Variants in PRODH2 observed in about 807,000 individuals in gnomAD.
PRODH2 encodes proline dehydrogenase 2.
PRODH2 carries 49 observed loss-of-function variants against 51.9 expected under a neutral mutation model. The observed-to-expected ratio is 0.94, with a 90% CI of 0.75 to 1.20. The LOEUF (loss-of-function observed/expected upper bound fraction) is 1.20, where lower values mean the gene tolerates loss of function less well. PRODH2 is among the 50% of genes most tolerant of loss of function. The pLI, the probability that PRODH2 is intolerant of heterozygous loss-of-function variation, is 0.00. For synonymous variants in PRODH2, 249 were observed against 260.7 expected (o/e 0.96, Z 0.43); for missense variants, 597 against 610.9 (o/e 0.98, Z 0.24).
In PRODH2 at chr19:35,812,634, A is replaced by G. The variant is rs1214922752; in HGVS notation, c.172T>C (p.Leu58=). ...TGGTCCTCAGGATCACTGCTCACCA[A>G]CAGCCCGTGAGTGACGAGTGGGGGC... is the stretch of plus-strand genomic sequence containing the variant. ...AWPPLVTHGL[L]LQAWSRRLLG... is the part of the protein sequence containing the mutation. The change falls in exon 1 of 10, where the codon TTG becomes CTG. Residue 58 remains leucine (L), a splice_region_variant and synonymous_variant. Coordinates refer to ENST00000653904, the MANE Select transcript of PRODH2 (RefSeq NM_021232.2). The G allele has an allele frequency of 6.3e-7, 1 of 1,592,906 alleles. No homozygotes were observed. The highest frequency in any genetic ancestry group is 1.7e-5 in the Admixed American group (1 of 58,662).
At chr19:35,807,528 C>G (rs1211089630) in intron 4 of PRODH2, among the ~76,000 whole-genome samples, 1 of 151,994 alleles carries the variant, frequency 6.6e-6, no homozygotes, top group East Asian at 1.9e-4. Flanking sequence ...GTCTCGAACT[C>G]CTGACCTCAA....
rs35221778 is a variant in PRODH2, at chr19:35,812,429, C to T, written c.302G>A (p.Arg101Gln). Residue 101 changes from arginine (R) to glutamine (Q), a missense_variant, in exon 2 of 10, where the codon CGG becomes CAG. Physicochemically the swap from Arg to Gln is conservative, Grantham distance 43. Coordinates refer to ENST00000653904, the MANE Select transcript of PRODH2 (RefSeq NM_021232.2). ...EEVKGCVQQL[R>Q]TLSLRPLLAV... ...CAGCAGTGGTCGGAGGCTGAGGGTC[C>T]GCAGCTGCTGCACGCAGCCCTTCAC... 333 of 1,614,234 alleles carry T rather than the reference C, an allele frequency of 2.1e-4. No homozygotes were observed. The African/African-American group carries it at 3.7e-3, about 18-fold the overall frequency.
chr19:35,806,823 C>A lies in PRODH2; in HGVS notation c.686G>T (p.Arg229Leu). The A allele has an allele frequency of 3.1e-6, 5 of 1,604,244 alleles. No homozygotes were observed. The highest frequency in any genetic ancestry group is 4.3e-6 in the Non-Finnish European group (5 of 1,175,606). ...SRLHRVAQYA[R>L]AQHVRLLVDA... is the part of the protein sequence containing the mutation. ...CACCAGGAGCCGCACGTGCTGGGCC[C>A]GGGCATACTGATGGCGACAGAGACG... Residue 229 changes from arginine (R) to leucine (L), a missense_variant, in exon 6 of 10, where the codon CGG (arginine) becomes CTG (leucine). Coordinates refer to ENST00000653904, the MANE Select transcript of PRODH2 (RefSeq NM_021232.2).
rs1036511163 is a variant in PRODH2 at position 35,811,249 on chromosome 19, A to T, written c.597+713T>A. On this transcript the variant is annotated intron_variant, in intron 4 of 9. Transcript: ENST00000653904. ...AAAACAAAATCATAGAAACAAAAAG[A>T]TATGCATTATACAAGACGGCAGGCT... Among the ~76,000 whole-genome samples the T allele has an allele frequency of 2.6e-5, 4 of 151,908 alleles. No homozygotes were observed. The Admixed American group carries it at 2.6e-4, about 10-fold the overall frequency.
At chr19:35,811,286 C>T (rs1972604217) in intron 4 of PRODH2, among the ~76,000 whole-genome samples, 1 of 151,578 alleles carries the variant, frequency 6.6e-6, no homozygotes, top group Admixed American at 6.6e-5. Flanking sequence ...GGTGTGGTGG[C>T]TCACACCTAT....
intron 8 of PRODH2, chr19:35,802,545 AG>A (rs1448592074): frequency 3.7e-6 from 2 of 543,724 alleles, no homozygotes; most frequent in Non-Finnish European, 6.6e-6. Context: ...CAGGTATAGC[AG>A]GGGTTAATGT....
Position 35,806,572 on chromosome 19 carries a change from C to G in PRODH2, c.859G>C (p.Asp287His). The change falls in exon 7 of 10, where the codon GAT (aspartate) becomes CAT (histidine). Residue 287 changes from aspartate (D) to histidine (H), a missense_variant. By Grantham distance (81) the Asp-to-His change is moderately conservative (BLOSUM62 -1). Coordinates refer to ENST00000653904, the MANE Select transcript of PRODH2 (RefSeq NM_021232.2). ...LKDTFERLGR[D>H]AEAAHRAGLA... Reference sequence around the variant, plus strand: ...CCGGCCCTGTGCGCAGCCTCTGCATCCCTCCCCAGCCGCTCGAATGTGTCC... The same window carrying G: ...CCGGCCCTGTGCGCAGCCTCTGCATGCCTCCCCAGCCGCTCGAATGTGTCC... 1 of 1,614,116 alleles carries G rather than the reference C, an allele frequency of 6.2e-7. No individual in the cohort carries two copies. The highest frequency in any genetic ancestry group is 1.1e-5 in the South Asian group (1 of 91,090).
intron 7 of PRODH2, among the ~76,000 whole-genome samples, chr19:35,805,740 G>A (rs1383436567): frequency 1.3e-5 from 2 of 152,340 alleles, no homozygotes; most frequent in Non-Finnish European, 1.5e-5. Context: ...GTACACAAAC[G>A]TGCCCTGGAG....
intron 4 of PRODH2, among the ~76,000 whole-genome samples, chr19:35,810,684 A>G (rs1329820986): frequency 1.3e-5 from 2 of 152,032 alleles, no homozygotes; most frequent in Non-Finnish European, 2.9e-5. Flanking sequence ...CCACGTCCAG[A>G]TAATTTTTGT....
chr19:35,811,564 AAGAT>A (rs1972612043), intron 4 of PRODH2, among the ~76,000 whole-genome samples: 1 of 151,902 alleles, frequency 6.6e-6, no homozygotes, highest in African/African-American at 2.4e-5. Context: ...GAAAGAAAAA[AAGAT>A]GGAGTAGGGT....
At chr19:35,811,921 C>T in intron 4 of PRODH2, 41 bp downstream of exon 4, 1 of 1,594,188 alleles carries the variant, frequency 6.3e-7, no homozygotes, top group Non-Finnish European at 8.6e-7. Context: ...CATCTAAGTC[C>T]AAGGCACTCT....
intron 4 of PRODH2, among the ~76,000 whole-genome samples, chr19:35,810,457 C>T (rs183953176): frequency 1.3e-5 from 2 of 150,832 alleles, no homozygotes; most frequent in African/African-American, 2.4e-5. Flanking sequence ...CTATTGGAAA[C>T]AGTGGGGGCC....
intron 4 of PRODH2, among the ~76,000 whole-genome samples, chr19:35,809,325 G>A (rs988914269): frequency 2.0e-5 from 3 of 152,018 alleles, no homozygotes; most frequent in African/African-American, 7.2e-5. Flanking sequence ...TGACCTCCTG[G>A]GCTCAAGCGA....
In PRODH2 at chr19:35,800,223, C is replaced by T. The variant is rs1190723302; in HGVS notation, c.1199-1G>A. The T allele has an allele frequency of 6.4e-7, 1 of 1,553,798 alleles. No individual in the cohort carries two copies. Among genetic ancestry groups the T allele is most frequent in the Non-Finnish European group, 8.7e-7 (1 of 1,148,566 alleles). ...TTATACACTACATAGCCGGCCTGCCCTGCAGGGAGAGTGGGTTTTGTTTTT... is the reference window on the plus strand; with the variant it reads ...TTATACACTACATAGCCGGCCTGCCTTGCAGGGAGAGTGGGTTTTGTTTTT... On this transcript the variant is annotated splice_acceptor_variant, in intron 9 of 9. Coordinates refer to ENST00000653904, the MANE Select transcript of PRODH2 (RefSeq NM_021232.2). LOFTEE classifies it high-confidence loss of function.
chr19:35,805,048 T>C (rs2146781871), intron 7 of PRODH2, among the ~76,000 whole-genome samples: 1 of 150,798 alleles, frequency 6.6e-6, no homozygotes, highest in South Asian at 2.1e-4. Flanking sequence ...AAAAAGTAGG[T>C]TAGTGGTTTC....
intron 7 of PRODH2, among the ~76,000 whole-genome samples, chr19:35,803,307 T>G (rs927914618): frequency 3.9e-5 from 6 of 152,306 alleles, no homozygotes; most frequent in Non-Finnish European, 7.4e-5. Context: ...CAGGCTGGAA[T>G]GCAGTGGCAT....
chr19:35,810,140 C>T (rs1048782042), intron 4 of PRODH2, among the ~76,000 whole-genome samples: 7 of 148,164 alleles, frequency 4.7e-5, no homozygotes, highest in African/African-American at 1.5e-4. Flanking sequence ...TAATGGCAGG[C>T]GCTTGTAATC....
Position 35,800,094 on chromosome 19 carries a change from G to A in PRODH2, c.1327C>T (p.Leu443Phe), listed in dbSNP as rs1204165432. 1.9e-6 allele frequency: 3 copies of A among 1,612,024 alleles called. No individual in the cohort carries two copies. The highest frequency in any genetic ancestry group is 1.7e-5 in the Admixed American group (1 of 59,790). The part of the protein sequence containing the change: ...LQGARREQEL[L>F]SQELWRRLLP... ...AGCCGCCGCCACAGTTCTTGGCTGA[G>A]CAGCTCCTGTTCCCTGCGGGCACCC... The change falls in exon 10 of 10, where the codon CTC (leucine) becomes TTC (phenylalanine). Residue 443 changes from leucine (L) to phenylalanine (F), a missense_variant. Coordinates refer to ENST00000653904, the MANE Select transcript of PRODH2 (RefSeq NM_021232.2).
At chr19:35,801,445 A>G (rs949047152) in intron 9 of PRODH2, among the ~76,000 whole-genome samples, 2 of 152,156 alleles carry the variant, frequency 1.3e-5, no homozygotes, top group South Asian at 2.1e-4. Flanking sequence ...CTGCCTGGGT[A>G]ACAGAGCAAG....
Sources: gnomAD v4.1 joint callset for allele counts (sites outside exome capture counted in the v4.1 genomes callset) on GRCh38, gnomAD v4.1.1 for gene constraint, MANE v1.5 for transcripts, NCBI Gene and HGNC (gene_info 2026-07-23, HGNC 2026-07-21) for gene names.